FHIT: variants seen among roughly 807,000 people sequenced by gnomAD.
FHIT encodes the protein fragile histidine triad diadenosine triphosphatase.
FHIT carries 19 observed loss-of-function variants against 17.9 expected under a neutral mutation model. The ratio of observed to expected loss-of-function variants is 1.06; its 90% CI spans 0.74 to 1.56. The LOEUF (loss-of-function observed/expected upper bound fraction) is 1.56, where lower values mean the gene tolerates loss of function less well. Among genes scored for constraint, FHIT ranks in the 40% most tolerant of loss-of-function variants. FHIT has a pLI of 0.00. For missense variants in FHIT, 248 were observed against 189.2 expected (o/e 1.31, Z -1.82); for synonymous variants, 81 against 69.7 (o/e 1.16, Z -0.81).
intron 5 of FHIT, among the ~76,000 whole-genome samples, chr3:60,055,686 A>G (rs1702053949): frequency 6.6e-6 from 1 of 152,224 alleles, no homozygotes; most frequent in South Asian, 2.1e-4. Context: ...CCTGGAAACC[A>G]ACATGTTGAA....
intron 5 of FHIT, among the ~76,000 whole-genome samples, chr3:60,331,268 G>A (rs1709958613): frequency 6.6e-6 from 1 of 151,988 alleles, no homozygotes; most frequent in Non-Finnish European, 1.5e-5. Context: ...ACCTCTCAGT[G>A]CCCTTTCCTG....
chr3:60,184,008 T>TC (rs1369514327), intron 5 of FHIT, among the ~76,000 whole-genome samples: 1 of 151,366 alleles, frequency 6.6e-6, no homozygotes, highest in Non-Finnish European at 1.5e-5. Context: ...GTTTTTTTTT[T>TC]TGAGTCAGGG....
intron 5 of FHIT, among the ~76,000 whole-genome samples, chr3:60,383,829 T>C (rs1303999877): frequency 6.6e-6 from 1 of 152,226 alleles, no homozygotes; most frequent in Admixed American, 6.5e-5. Flanking sequence ...CAGCAAAATT[T>C]TTAACCCATC....
intron 4 of FHIT, among the ~76,000 whole-genome samples, chr3:60,738,379 C>T (rs1320369613): frequency 6.6e-6 from 1 of 152,192 alleles, no homozygotes; most frequent in East Asian, 1.9e-4. Flanking sequence ...ATGGTCCCTG[C>T]CTCAGCAGAA....
chr3:61,189,365 C>T (rs57399901), intron 2 of FHIT, among the ~76,000 whole-genome samples: 13 of 151,894 alleles, frequency 8.6e-5, no homozygotes, highest in Admixed American at 3.3e-4. Flanking sequence ...ACCTAGGAAT[C>T]CAACTTACAA....
intron 8 of FHIT, among the ~76,000 whole-genome samples, chr3:59,819,071 G>A (rs1202136304): frequency 6.6e-6 from 1 of 152,164 alleles, no homozygotes; most frequent in African/African-American, 2.4e-5. Flanking sequence ...TGTAGAAACA[G>A]TTCCATATGC....
At chr3:61,144,259 T>A (rs968782181) in intron 2 of FHIT, among the ~76,000 whole-genome samples, 22 of 152,204 alleles carry the variant, frequency 1.4e-4, no homozygotes, top group Admixed American at 6.5e-5. Flanking sequence ...TGGATTTGTC[T>A]CTGTTGGAAA....
At chr3:60,486,270 T>C (rs1386916028) in intron 5 of FHIT, among the ~76,000 whole-genome samples, 1 of 152,210 alleles carries the variant, frequency 6.6e-6, no homozygotes, top group Non-Finnish European at 1.5e-5. Flanking sequence ...TTATTTTGTT[T>C]TTGTTTTTTA....
chr3:60,215,834 C>G (rs755559586), intron 5 of FHIT, among the ~76,000 whole-genome samples: 11 of 152,090 alleles, frequency 7.2e-5, no homozygotes, highest in Non-Finnish European at 1.5e-4. Flanking sequence ...CACGAAATTT[C>G]CAATAATCTA....
chr3:61,109,417 T>C lies in FHIT; in HGVS notation c.-163-67318A>G, dbSNP rs116824843. Among the ~76,000 whole-genome samples the C allele has an allele frequency of 3.6e-3, 542 of 152,236 alleles. 2 individuals carry two copies. The highest frequency in any genetic ancestry group is 0.01 in the African/African-American group (422 of 41,544). On this transcript the variant is annotated intron_variant, in intron 2 of 9. Transcript: ENST00000492590. ...TGTATAGGGAATCAAGGCCCTTTGT[T>C]TGGGGTTAAGTGAAGGTTGCCAGGT...
chr3:59,984,268 T>C (rs1437735090), intron 7 of FHIT, among the ~76,000 whole-genome samples: 2 of 151,992 alleles, frequency 1.3e-5, no homozygotes, highest in African/African-American at 4.8e-5. Flanking sequence ...AATGGATTAT[T>C]TGAGAGATGG....
intron 5 of FHIT, among the ~76,000 whole-genome samples, chr3:60,423,537 T>C (rs1314641946): frequency 6.6e-6 from 1 of 152,190 alleles, no homozygotes; most frequent in Non-Finnish European, 1.5e-5. Flanking sequence ...AGAGATGATG[T>C]GTTTAAAGAA....
intron 3 of FHIT, among the ~76,000 whole-genome samples, chr3:60,919,883 A>G (rs1168385746): frequency 6.6e-6 from 1 of 151,994 alleles, no homozygotes; most frequent in Non-Finnish European, 1.5e-5. Context: ...AAAATACAAA[A>G]CTTAGCTAGG....
chr3:60,204,487 C>T (rs1202673404), intron 5 of FHIT, among the ~76,000 whole-genome samples: 1 of 144,926 alleles, frequency 6.9e-6, no homozygotes, highest in Non-Finnish European at 1.5e-5. Flanking sequence ...GATGGAGTTT[C>T]ACCATGTTGC....
At chr3:61,043,463 C>A (rs116501721) in intron 2 of FHIT, among the ~76,000 whole-genome samples, 2 of 152,222 alleles carry the variant, frequency 1.3e-5, no homozygotes, top group East Asian at 3.9e-4. Flanking sequence ...AGTAGGAAAA[C>A]AAAGAGGCCC....
At chr3:61,064,260 C>A (rs749335262) in intron 2 of FHIT, among the ~76,000 whole-genome samples, 28 of 152,104 alleles carry the variant, frequency 1.8e-4, no homozygotes, top group Non-Finnish European at 2.5e-4. Context: ...CACGAGATGG[C>A]CCTTTTTGCT....
chr3:60,624,898 TTTTTTTTTG>T (rs2039240138), intron 4 of FHIT, among the ~76,000 whole-genome samples: 1 of 145,432 alleles, frequency 6.9e-6, no homozygotes, highest in African/African-American at 2.7e-5. Flanking sequence ...GTTTCTAGTT[TTTTTTTTTG>T]TTTGTTTGTT....
At chr3:60,335,242 AAAAT>A (rs1669063194) in intron 5 of FHIT, among the ~76,000 whole-genome samples, 2 of 152,340 alleles carry the variant, frequency 1.3e-5, no homozygotes, top group Admixed American at 1.3e-4. Context: ...CTATAAACTT[AAAAT>A]TTAAAATATC....
At chr3:60,384,310 T>C (rs2736829) in intron 5 of FHIT, among the ~76,000 whole-genome samples, 6,444 of 151,922 alleles carry the variant, frequency 0.042, 486 homozygotes, top group African/African-American at 0.14. Flanking sequence ...ATAGAGACTA[T>C]TACTAATCTA....
Sources: gnomAD v4.1 joint callset for allele counts (sites outside exome capture counted in the v4.1 genomes callset) on GRCh38, gnomAD v4.1.1 for gene constraint, MANE v1.5 for transcripts, NCBI Gene and HGNC (gene_info 2026-07-23, HGNC 2026-07-21) for gene names.